Variants in SLC38A9 observed in about 807,000 individuals in gnomAD.
SLC38A9 encodes neutral amino acid transporter 9.
SLC38A9 carries 48 observed loss-of-function variants against 62.3 expected under a neutral mutation model. That is an observed-to-expected ratio of 0.77 (90% CI 0.61 to 0.98). SLC38A9 has a LOEUF of 0.98. Among genes scored for constraint, SLC38A9 ranks in the 50% least tolerant of loss-of-function variants. The pLI is 0.00. For synonymous variants in SLC38A9, 204 were observed against 227.7 expected (o/e 0.90, Z 0.94); for missense variants, 541 against 679.8 (o/e 0.80, Z 2.27).
At chr5:55,692,954 C>T in intron 3 of SLC38A9, 2 of 981,512 alleles carry the variant, frequency 2.0e-6, no homozygotes, top group Non-Finnish European at 2.4e-6. Flanking sequence ...ATAAATTTCA[C>T]ATTTCCACCT....
At chr5:55,671,878 C>A (rs1751390542) in intron 4 of SLC38A9, among the ~76,000 whole-genome samples, 1 of 152,026 alleles carries the variant, frequency 6.6e-6, no homozygotes, top group African/African-American at 2.4e-5. Flanking sequence ...CACTCTTTTG[C>A]TCAGTCTGGG....
Position 55,626,343 on chromosome 5 carries a change from T to A in SLC38A9, c.*151A>T. Reference sequence around the variant, plus strand: ...TTTCCCCACCCCAATAAAAAAATACTCATTAAGGGGCCACTATTTCCCTTG... The same window carrying A: ...TTTCCCCACCCCAATAAAAAAATACACATTAAGGGGCCACTATTTCCCTTG... On this transcript the variant is annotated 3_prime_UTR_variant, in exon 16 of 16. Transcript: ENST00000396865. The A allele has an allele frequency of 1.5e-6, 1 of 653,994 alleles. No individual in the cohort carries two copies. Among genetic ancestry groups the A allele is most frequent in the South Asian group, 2.7e-5 (1 of 36,794 alleles). The allele number at this position is 653,994 out of a possible 1,614,324, so 40.5% of individuals were successfully genotyped here.
At chr5:55,643,456 G>T (rs975794594) in intron 12 of SLC38A9, among the ~76,000 whole-genome samples, 1 of 152,130 alleles carries the variant, frequency 6.6e-6, no homozygotes, top group African/African-American at 2.4e-5. Flanking sequence ...CCAGCATATG[G>T]TCTATCTTGG....
At chr5:55,681,767 C>G (rs374883434) in intron 3 of SLC38A9, among the ~76,000 whole-genome samples, 1 of 152,164 alleles carries the variant, frequency 6.6e-6, no homozygotes, top group Non-Finnish European at 1.5e-5. Context: ...CATTAGAGTC[C>G]TTCTGTGCAG....
chr5:55,686,599 G>A (rs901608182), intron 3 of SLC38A9, among the ~76,000 whole-genome samples: 8 of 151,724 alleles, frequency 5.3e-5, no homozygotes, highest in African/African-American at 1.9e-4. Flanking sequence ...AGTTTCTTTT[G>A]CCGTGCAGAA....
intron 2 of SLC38A9, chr5:55,704,031 G>C (rs1756989188): frequency 6.6e-6 from 1 of 152,134 alleles, no homozygotes; most frequent in Admixed American, 6.6e-5. Flanking sequence ...TGCCAGGCAT[G>C]GTGGTGCTCA....
At chr5:55,691,468 G>C (rs1189308938) in intron 3 of SLC38A9, among the ~76,000 whole-genome samples, 1 of 152,182 alleles carries the variant, frequency 6.6e-6, no homozygotes, top group African/African-American at 2.4e-5. Flanking sequence ...AGAGGAAACA[G>C]AGATAGAGAA....
intron 2 of SLC38A9, among the ~76,000 whole-genome samples, chr5:55,708,281 A>T (rs1310579833): frequency 6.6e-6 from 1 of 152,180 alleles, no homozygotes. Context: ...AGCGAGCTAC[A>T]ATGGCACCAC....
At chr5:55,650,611 G>A (rs1747215315) in intron 10 of SLC38A9, among the ~76,000 whole-genome samples, 1 of 152,158 alleles carries the variant, frequency 6.6e-6, no homozygotes, top group Non-Finnish European at 1.5e-5. Context: ...GATTCAGAAA[G>A]GATGAAAACA....
At chr5:55,648,885 T>G (rs1286151660) in intron 11 of SLC38A9, among the ~76,000 whole-genome samples, 2 of 152,142 alleles carry the variant, frequency 1.3e-5, no homozygotes, top group Non-Finnish European at 2.9e-5. Flanking sequence ...TCAATAAAAA[T>G]GTTTAATTAA....
intron 10 of SLC38A9, among the ~76,000 whole-genome samples, chr5:55,651,616 G>C (rs1747495567): frequency 6.6e-6 from 1 of 152,088 alleles, no homozygotes; most frequent in Non-Finnish European, 1.5e-5. Context: ...CTCACAGAAA[G>C]AGGTCTGTTC....
chr5:55,663,101 G>A (rs1329775238), intron 8 of SLC38A9, among the ~76,000 whole-genome samples: 1 of 151,526 alleles, frequency 6.6e-6, no homozygotes, highest in East Asian at 2.0e-4. Context: ...CACCATGTTG[G>A]CCGGGCTGGT....
chr5:55,699,469 AAAG>A (rs1212124304), intron 2 of SLC38A9, among the ~76,000 whole-genome samples: 4 of 152,226 alleles, frequency 2.6e-5, no homozygotes, highest in African/African-American at 9.6e-5. Context: ...CGCAGGCCTC[AAAG>A]AAGTCCTGCT....
rs1264877516 is a variant in SLC38A9 at position 55,694,761 on chromosome 5, CCTT to C, written c.113+3082_113+3084del. On this transcript the variant is annotated intron_variant, in intron 3 of 15. Transcript: ENST00000396865. ...CTTCTCCTCTCCTCTCCTCTCCTTTCCTTTCCTTTCCTGACAGAGTCTTGCTCT... is the reference window on the plus strand; with the variant it reads ...CTTCTCCTCTCCTCTCCTCTCCTTTCTCCTTTCCTGACAGAGTCTTGCTCT... Among the ~76,000 whole-genome samples, 340 of 135,628 alleles carry C rather than the reference CCTT, an allele frequency of 2.5e-3. 2 individuals carry two copies. The highest frequency in any genetic ancestry group is 8.8e-3 in the African/African-American group (329 of 37,566). The allele number at this position is 135,628 out of a possible 152,430, so 89.0% of individuals were successfully genotyped here.
intron 14 of SLC38A9, among the ~76,000 whole-genome samples, chr5:55,631,733 T>C (rs73119742): frequency 0.049 from 7,443 of 152,318 alleles, 313 homozygotes; most frequent in African/African-American, 0.11. Flanking sequence ...AAACAAGAAC[T>C]GATTAAGACC....
intron 3 of SLC38A9, among the ~76,000 whole-genome samples, chr5:55,685,072 A>G (rs1389325338): frequency 6.6e-6 from 1 of 152,164 alleles, no homozygotes; most frequent in African/African-American, 2.4e-5. Flanking sequence ...GGTATTCTAC[A>G]TTGTCTTATT....
At chr5:55,661,444 CAAAAAAAAAAAAAAAAA>C (rs3072768) in intron 8 of SLC38A9, among the ~76,000 whole-genome samples, 1 of 67,644 alleles carries the variant, frequency 1.5e-5, no homozygotes, top group Non-Finnish European at 2.6e-5. Context: ...GACTCCGTCT[CAAAAAAAAAAAAAAAAA>C]AAAAAAAAAG....
chr5:55,638,128 G>T (rs1744758540), intron 12 of SLC38A9, among the ~76,000 whole-genome samples: 1 of 152,156 alleles, frequency 6.6e-6, no homozygotes, highest in South Asian at 2.1e-4. Flanking sequence ...CTCAGGAGCT[G>T]CATATGTGTT....
intron 3 of SLC38A9, chr5:55,672,902 A>G (rs1253770807): frequency 9.7e-6 from 4 of 410,710 alleles, no homozygotes; most frequent in African/African-American, 9.3e-5. Context: ...TAACACTTTT[A>G]CTTTAAGCAC....
Sources: gnomAD v4.1 joint callset for allele counts (sites outside exome capture counted in the v4.1 genomes callset) on GRCh38, gnomAD v4.1.1 for gene constraint, MANE v1.5 for transcripts, NCBI Gene and HGNC (gene_info 2026-07-23, HGNC 2026-07-21) for gene names.